The following EEIG1 variants were observed in gnomAD, a reference collection of about 807,000 sequenced individuals.
EEIG1 encodes estrogen-induced osteoclastogenesis regulator 1.
the EEIG1 span, among the ~76,000 whole-genome samples, chr9:127,958,472 C>T: frequency 1.3e-5 from 2 of 152,094 alleles, no homozygotes; most frequent in East Asian, 1.9e-4. Flanking sequence ...TGAGACCAAC[C>T]TGGGCAACAC....
the EEIG1 span, chr9:127,980,091 A>C: frequency 6.2e-7 from 1 of 1,613,796 alleles, no homozygotes; most frequent in Non-Finnish European, 8.5e-7. Flanking sequence ...CTCCAGGGTG[A>C]AAGTAGTTTG....
the EEIG1 span, among the ~76,000 whole-genome samples, chr9:127,954,596 T>G: frequency 6.6e-6 from 1 of 152,126 alleles, no homozygotes; most frequent in African/African-American, 2.4e-5. Flanking sequence ...CAGAGAAAGG[T>G]GGTCATGCCA....
the EEIG1 span, among the ~76,000 whole-genome samples, chr9:127,960,006 T>A: frequency 1.3e-5 from 2 of 152,348 alleles, no homozygotes; most frequent in South Asian, 4.1e-4. Flanking sequence ...GGGTGTATTG[T>A]GTGGTATGTG....
At chr9:127,945,765 G>A in the EEIG1 span, 639 of 1,542,338 alleles carry the variant, frequency 4.1e-4, 1 homozygote, top group Admixed American at 1.6e-3. This position sits in a 1 kb window ranked among gnomAD's most constrained non-coding sequence, Gnocchi z 6.5. Flanking sequence ...TGGAAGGCAG[G>A]AAGGGGCAGG....
the EEIG1 span, among the ~76,000 whole-genome samples, chr9:127,955,080 G>C: frequency 6.6e-6 from 1 of 152,198 alleles, no homozygotes; most frequent in African/African-American, 2.4e-5. Context: ...GGGGTGGCCA[G>C]GGAAGGGAGG....
At chr9:127,945,363 T>C in the EEIG1 span, 3 of 1,579,538 alleles carry the variant, frequency 1.9e-6, no homozygotes, top group Non-Finnish European at 2.6e-6. This position sits in a 1 kb window ranked among gnomAD's most constrained non-coding sequence, Gnocchi z 6.5. Flanking sequence ...GCAGTAGGCC[T>C]CACCTGAAAG....
At chr9:127,959,600 G>C in the EEIG1 span, among the ~76,000 whole-genome samples, 1 of 152,190 alleles carries the variant, frequency 6.6e-6, no homozygotes, top group African/African-American at 2.4e-5. Flanking sequence ...TGGTTTCCCC[G>C]ATGCTGTTAA....
the EEIG1 span, among the ~76,000 whole-genome samples, chr9:127,948,700 G>A: frequency 1.3e-5 from 2 of 152,238 alleles, no homozygotes; most frequent in African/African-American, 2.4e-5. Flanking sequence ...TGAGCGGACT[G>A]CCATCAGCTA....
chr9:127,947,711 C>T, the EEIG1 span, among the ~76,000 whole-genome samples: 4 of 152,174 alleles, frequency 2.6e-5, no homozygotes, highest in African/African-American at 9.7e-5. Flanking sequence ...GGAAGCCTTC[C>T]CTGGCCCCAG....
chr9:127,943,232 G>A, the EEIG1 span: 1 of 1,614,168 alleles, frequency 6.2e-7, no homozygotes, highest in Non-Finnish European at 8.5e-7. Flanking sequence ...GACCCCAGAA[G>A]AGACCCTGCA....
chr9:127,951,673 C>T, the EEIG1 span, among the ~76,000 whole-genome samples: 2 of 151,930 alleles, frequency 1.3e-5, no homozygotes, highest in Non-Finnish European at 2.9e-5. Flanking sequence ...AAAAATTAGC[C>T]GGGCGAGGTG....
the EEIG1 span, chr9:127,943,008 G>C: frequency 1.6e-6 from 1 of 641,426 alleles, no homozygotes; most frequent in South Asian, 1.8e-5. Context: ...TGGGCCAGGA[G>C]GGTCCCAGCA....
chr9:127,978,781 G>C, the EEIG1 span, among the ~76,000 whole-genome samples: 1 of 152,084 alleles, frequency 6.6e-6, no homozygotes, highest in African/African-American at 2.4e-5. Flanking sequence ...AGGTTGCAGT[G>C]ACCCAAGATC....
At chr9:127,980,496 G>C in the EEIG1 span, 5 of 157,162 alleles carry the variant, frequency 3.2e-5, 1 homozygote, top group Admixed American at 3.3e-4. Context: ...CGATGTCCGG[G>C]GAGCTCACGC....
the EEIG1 span, among the ~76,000 whole-genome samples, chr9:127,947,206 GACCATCCTGGCA>G: frequency 4.9e-5 from 7 of 143,360 alleles, no homozygotes; most frequent in African/African-American, 7.8e-5. Context: ...AGGAGACTGA[GACCATCCTGGCA>G]ACCATCCTGG....
the EEIG1 span, among the ~76,000 whole-genome samples, chr9:127,958,422 T>C: frequency 1.3e-5 from 2 of 152,164 alleles, no homozygotes; most frequent in African/African-American, 4.8e-5. Context: ...CCCAGCACTT[T>C]CGGAGGCCAA....
At chr9:127,964,019 G>A in the EEIG1 span, among the ~76,000 whole-genome samples, 72 of 152,292 alleles carry the variant, frequency 4.7e-4, no homozygotes, top group Non-Finnish European at 9.4e-4. Flanking sequence ...GGGGGAAGGA[G>A]GTCCCAGGCA....
the EEIG1 span, chr9:127,945,596 G>A: frequency 1.3e-6 from 2 of 1,562,856 alleles, no homozygotes; most frequent in African/African-American, 2.7e-5. This position sits in a 1 kb window ranked among gnomAD's most constrained non-coding sequence, Gnocchi z 6.5. Context: ...CATCACAATG[G>A]GGGATCCCGA....
the EEIG1 span, among the ~76,000 whole-genome samples, chr9:127,979,314 G>T: frequency 1.3e-5 from 2 of 152,216 alleles, no homozygotes; most frequent in Admixed American, 1.3e-4. Context: ...GGGCCCAATT[G>T]GCAAGGGACA....
Sources: gnomAD v4.1 joint callset for allele counts (sites outside exome capture counted in the v4.1 genomes callset) on GRCh38, gnomAD v4.1.1 for gene constraint, Gnocchi (gnomAD v3.1) non-coding constraint, MANE v1.5 for transcripts, NCBI Gene and HGNC (gene_info 2026-07-23, HGNC 2026-07-21) for gene names.